Variants in LSAMP observed in about 807,000 individuals in gnomAD.
The protein encoded by LSAMP is limbic system associated membrane protein.
In LSAMP, 7 loss-of-function variants were observed where a neutral mutation model predicts 38.6. The observed-to-expected ratio is 0.18, with a 90% CI of 0.10 to 0.34. LSAMP has a LOEUF of 0.34. LSAMP is among the 10% of genes least tolerant of loss of function. LSAMP has a pLI of 1.00. For missense variants in LSAMP, 313 were observed against 420.0 expected (o/e 0.75, Z 2.23); for synonymous variants, 154 against 166.8 (o/e 0.92, Z 0.59).
intron 3 of LSAMP, among the ~76,000 whole-genome samples, chr3:115,894,147 C>A (rs1936671630): frequency 6.6e-6 from 1 of 152,154 alleles, no homozygotes; most frequent in South Asian, 2.1e-4. Flanking sequence ...AGAATTTAGA[C>A]CATCTGTCTT....
At chr3:116,014,982 G>A (rs1940435924) in intron 3 of LSAMP, among the ~76,000 whole-genome samples, 1 of 152,112 alleles carries the variant, frequency 6.6e-6, no homozygotes, top group African/African-American at 2.4e-5. Context: ...GAAATGAATT[G>A]AAAGTGGAAT....
intron 1 of LSAMP, among the ~76,000 whole-genome samples, chr3:116,190,869 G>A (rs1710739082): frequency 6.6e-6 from 1 of 152,092 alleles, no homozygotes. Context: ...TCTTCCTAGA[G>A]TTCACGTCTA....
intron 1 of LSAMP, among the ~76,000 whole-genome samples, chr3:116,284,290 A>C (rs1490169047): frequency 1.3e-5 from 2 of 152,310 alleles, no homozygotes; most frequent in Middle Eastern, 3.4e-3. Flanking sequence ...TTAAATTCAA[A>C]GTTCTATGCC....
chr3:116,054,456 T>C (rs1212014376), intron 2 of LSAMP, among the ~76,000 whole-genome samples: 2 of 152,080 alleles, frequency 1.3e-5, no homozygotes, highest in Non-Finnish European at 2.9e-5. Flanking sequence ...GCCCAGAGAA[T>C]AAAGCAGGGG....
intron 1 of LSAMP, among the ~76,000 whole-genome samples, chr3:116,407,005 C>T (rs1018372656): frequency 4.6e-5 from 7 of 152,058 alleles, no homozygotes; most frequent in Non-Finnish European, 2.9e-5. Flanking sequence ...ATTCTCAAAG[C>T]ATCTGCTGCA....
chr3:116,145,596 C>G (rs1709473112), intron 1 of LSAMP, among the ~76,000 whole-genome samples: 1 of 151,812 alleles, frequency 6.6e-6, no homozygotes, highest in African/African-American at 2.4e-5. Flanking sequence ...AATCAGATCC[C>G]CCCCAAAAAA....
At chr3:115,874,687 C>T (rs1356119624) in intron 3 of LSAMP, among the ~76,000 whole-genome samples, 1 of 152,104 alleles carries the variant, frequency 6.6e-6, no homozygotes, top group African/African-American at 2.4e-5. Context: ...CTTCATGAAG[C>T]TACCATCTAA....
At chr3:116,392,959 C>T (rs938238915) in intron 1 of LSAMP, among the ~76,000 whole-genome samples, 8 of 152,068 alleles carry the variant, frequency 5.3e-5, no homozygotes, top group African/African-American at 1.9e-4. Context: ...GAGAGCTGGA[C>T]ACTTGATGGG....
chr3:116,289,494 G>A (rs978688805), intron 1 of LSAMP, among the ~76,000 whole-genome samples: 1 of 152,020 alleles, frequency 6.6e-6, no homozygotes, highest in Non-Finnish European at 1.5e-5. Context: ...GAAAATGTTT[G>A]ATTAGGTCAA....
intron 1 of LSAMP, among the ~76,000 whole-genome samples, chr3:116,409,953 T>C (rs2048949182): frequency 1.3e-5 from 2 of 152,226 alleles, no homozygotes; most frequent in Admixed American, 1.3e-4. Flanking sequence ...CTCTGCCTCC[T>C]CTGCCACGAC....
At chr3:115,975,331 G>A (rs1939153616) in intron 3 of LSAMP, among the ~76,000 whole-genome samples, 1 of 152,144 alleles carries the variant, frequency 6.6e-6, no homozygotes, top group South Asian at 2.1e-4. Flanking sequence ...TTGATTTTAT[G>A]GCACTTAGCC....
At chr3:115,994,867 G>A (rs894216886) in intron 3 of LSAMP, among the ~76,000 whole-genome samples, 7 of 152,064 alleles carry the variant, frequency 4.6e-5, no homozygotes, top group African/African-American at 1.7e-4. Context: ...GCATTTGCAT[G>A]TGGAGATGCT....
At chr3:116,381,440 A>G (rs1464927640) in intron 1 of LSAMP, among the ~76,000 whole-genome samples, 1 of 152,156 alleles carries the variant, frequency 6.6e-6, no homozygotes, top group African/African-American at 2.4e-5. Context: ...GCCAAAAATG[A>G]GTAAAACACC....
At chr3:115,944,158 G>GCT (rs1938020428) in intron 3 of LSAMP, among the ~76,000 whole-genome samples, 2 of 152,150 alleles carry the variant, frequency 1.3e-5, no homozygotes, top group African/African-American at 4.8e-5. Context: ...GCTGCTGCTA[G>GCT]CTAAGACATT....
At chr3:116,122,650 A>G (rs7633369) in intron 1 of LSAMP, among the ~76,000 whole-genome samples, 3,268 of 152,320 alleles carry the variant, frequency 0.021, 117 homozygotes, top group African/African-American at 0.075. Context: ...TTGTGTGAGT[A>G]CTCTTTAAAT....
chr3:116,387,800 A>T (rs2048644009), intron 1 of LSAMP, among the ~76,000 whole-genome samples: 1 of 152,120 alleles, frequency 6.6e-6, no homozygotes, highest in African/African-American at 2.4e-5. Context: ...TGTAATTGAA[A>T]ATATCTACTT....
intron 3 of LSAMP, among the ~76,000 whole-genome samples, chr3:115,862,287 A>G (rs900981669): frequency 2.0e-4 from 31 of 152,344 alleles, no homozygotes; most frequent in Admixed American, 7.8e-4. Flanking sequence ...ACATAAATCA[A>G]TTGGCATTTA....
intron 1 of LSAMP, among the ~76,000 whole-genome samples, chr3:116,167,027 G>A (rs551113995): frequency 2.3e-4 from 35 of 152,112 alleles, no homozygotes; most frequent in East Asian, 5.8e-4. Context: ...TCCTGACCTC[G>A]TGATCCGCCC....
intron 2 of LSAMP, among the ~76,000 whole-genome samples, chr3:116,023,541 GT>G (rs2107692678): frequency 6.7e-6 from 1 of 148,568 alleles, no homozygotes; most frequent in South Asian, 2.2e-4. Context: ...GGAGGCGGAG[GT>G]TGCAGTGAGC....
Sources: allele counts gnomAD v4.1 joint callset (sites outside exome capture counted in the v4.1 genomes callset), GRCh38; gene constraint gnomAD v4.1.1; transcripts MANE v1.5; gene names NCBI Gene and HGNC (gene_info 2026-07-23, HGNC 2026-07-21).